The following HIVEP3 variants were observed in gnomAD, a reference collection of about 807,000 sequenced individuals.
HIVEP3 encodes HIVEP zinc finger 3.
In HIVEP3, 49 loss-of-function variants were observed where a neutral mutation model predicts 152.8. That is an observed-to-expected ratio of 0.32 (90% CI 0.26 to 0.41). HIVEP3 has a LOEUF of 0.41. Among genes scored for constraint, HIVEP3 ranks in the 10% least tolerant of loss-of-function variants. HIVEP3 has a pLI of 1.00. For synonymous variants in HIVEP3, 1,269 were observed against 1,289.0 expected, an observed-to-expected ratio of 0.98 and a Z score of 0.33; for missense variants, 2,790 against 3,103.3, an observed-to-expected ratio of 0.90 and a Z score of 2.40.
chr1:42,020,403 T>C (rs1374375290), intron 1 of HIVEP3, among the ~76,000 whole-genome samples: 1 of 152,148 alleles, frequency 6.6e-6, no homozygotes, highest in East Asian at 1.9e-4. Flanking sequence ...TATAGCTCTA[T>C]TCAGGTTTTC....
intron 1 of HIVEP3, among the ~76,000 whole-genome samples, chr1:41,885,812 T>G (rs1375737933): frequency 1.5e-5 from 2 of 136,630 alleles, no homozygotes; most frequent in Non-Finnish European, 3.1e-5. Context: ...TCTTCCCTCC[T>G]TCCTTCCTAT....
In HIVEP3 at chr1:41,972,378, T is replaced by C. The variant is rs750110526; in HGVS notation, n.120-53854A>G. Among the ~76,000 whole-genome samples the C allele has an allele frequency of 9.9e-5, 15 of 152,200 alleles. No individual in the cohort carries two copies. The East Asian group carries it at 1.7e-3, about 18-fold the overall frequency. On this transcript the variant is annotated intron_variant and non_coding_transcript_variant, in intron 1 of 3. Coordinates refer to the HIVEP3 transcript ENST00000489103. ...AACCATTAGGAGCCAACTGGGCCTA[T>C]AGTGATACAGCACATATTTATTGAT...
chr1:41,623,849 C>T (rs962881170), intron 3 of HIVEP3, among the ~76,000 whole-genome samples: 5 of 152,220 alleles, frequency 3.3e-5, no homozygotes, highest in African/African-American at 1.2e-4. Flanking sequence ...TTCCTCCCCA[C>T]TGCCTCACAC....
At chr1:41,861,947 G>A (rs1235811177) in intron 1 of HIVEP3, among the ~76,000 whole-genome samples, 1 of 152,184 alleles carries the variant, frequency 6.6e-6, no homozygotes, top group African/African-American at 2.4e-5. Context: ...AGATCTGGAA[G>A]ATACCACAAA....
chr1:41,916,233 A>G (rs941865174), intron 1 of HIVEP3, among the ~76,000 whole-genome samples: 3 of 152,212 alleles, frequency 2.0e-5, no homozygotes, highest in African/African-American at 7.2e-5. Flanking sequence ...GGCTGCCACT[A>G]AACACAATGG....
At chr1:41,852,002 G>C (rs1643618393) in intron 1 of HIVEP3, among the ~76,000 whole-genome samples, 1 of 152,206 alleles carries the variant, frequency 6.6e-6, no homozygotes, top group African/African-American at 2.4e-5. Flanking sequence ...GGGTGTTTGT[G>C]AGGATCAAGG....
intron 1 of HIVEP3, among the ~76,000 whole-genome samples, chr1:41,743,009 G>A (rs1281930709): frequency 6.6e-6 from 1 of 152,040 alleles, no homozygotes; most frequent in Non-Finnish European, 1.5e-5. Flanking sequence ...CTGTTGTGAG[G>A]ATTAAATGAG....
chr1:41,608,245 G>A (rs1181828948), intron 3 of HIVEP3, among the ~76,000 whole-genome samples: 1 of 152,150 alleles, frequency 6.6e-6, no homozygotes. Context: ...AGTAATAACC[G>A]TGGACAGGAA....
chr1:41,945,802 G>T (rs1369484026), intron 1 of HIVEP3, among the ~76,000 whole-genome samples: 1 of 152,312 alleles, frequency 6.6e-6, no homozygotes, highest in South Asian at 2.1e-4. Flanking sequence ...CCTTTCTGGA[G>T]AGACTAAGGG....
chr1:42,006,739 G>A (rs1380974897), intron 1 of HIVEP3, among the ~76,000 whole-genome samples: 2 of 152,152 alleles, frequency 1.3e-5, no homozygotes, highest in African/African-American at 4.8e-5. Flanking sequence ...GTACACCCGT[G>A]AGAATGAAAA....
chr1:41,633,205 C>T (rs115983707), intron 2 of HIVEP3, among the ~76,000 whole-genome samples: 4 of 152,130 alleles, frequency 2.6e-5, no homozygotes, highest in East Asian at 1.9e-4. Flanking sequence ...TTCTCCCCCC[C>T]GCAACACCCC....
At chr1:41,899,881 G>T (rs1487407493) in intron 1 of HIVEP3, among the ~76,000 whole-genome samples, 1 of 152,136 alleles carries the variant, frequency 6.6e-6, no homozygotes, top group Non-Finnish European at 1.5e-5. Flanking sequence ...TTCAAGCCCA[G>T]CCTGATCTTT....
chr1:41,816,143 A>C (rs1251363591), intron 1 of HIVEP3, among the ~76,000 whole-genome samples: 2 of 152,042 alleles, frequency 1.3e-5, no homozygotes, highest in East Asian at 1.9e-4. Context: ...AGTCTTGTCC[A>C]CTCCAGCCTC....
chr1:41,625,576 C>G (rs978225757), intron 3 of HIVEP3, among the ~76,000 whole-genome samples: 3 of 152,130 alleles, frequency 2.0e-5, no homozygotes, highest in African/African-American at 7.2e-5. Context: ...AAATAAATGT[C>G]AAAAACTAGA....
At chr1:41,545,614 C>T (rs1392659047) in intron 5 of HIVEP3, among the ~76,000 whole-genome samples, 6 of 134,606 alleles carry the variant, frequency 4.5e-5, no homozygotes, top group African/African-American at 1.5e-4. Context: ...ACCATCACCA[C>T]CACTACCATC....
chr1:41,895,431 G>A (rs783628), intron 1 of HIVEP3, among the ~76,000 whole-genome samples: 106,283 of 151,972 alleles, frequency 0.7, 38,057 homozygotes, highest in African/African-American at 0.86. Context: ...TCATATCAGG[G>A]CTTCAAATGA....
At chr1:42,020,843 A>C (rs1041325323) in intron 1 of HIVEP3, among the ~76,000 whole-genome samples, 1 of 152,196 alleles carries the variant, frequency 6.6e-6, no homozygotes, top group Non-Finnish European at 1.5e-5. Flanking sequence ...GGCCACTTTG[A>C]GGAGAACCTG....
At chr1:41,599,183 G>A (rs1004494441) in intron 3 of HIVEP3, among the ~76,000 whole-genome samples, 15 of 152,070 alleles carry the variant, frequency 9.9e-5, no homozygotes, top group African/African-American at 2.4e-4. Context: ...AATAAATGGC[G>A]CTAAAGCTAT....
At position 41,945,212 on chromosome 1, in the gene HIVEP3, G is replaced by A. The variant is rs187126135; in HGVS notation, n.120-26688C>T. Among the ~76,000 whole-genome samples the A allele has an allele frequency of 1.7e-4, 26 of 152,088 alleles. No homozygotes were observed. The East Asian group carries it at 4.6e-3, about 27-fold the overall frequency. ...CCTGACTCCTTCCCCAACTAATAAG[G>A]ACCCCGCCTTCAACCCAAACGGTAC... is the stretch of plus-strand genomic sequence containing the variant. On this transcript the variant is annotated intron_variant and non_coding_transcript_variant, in intron 1 of 3. Coordinates refer to the HIVEP3 transcript ENST00000489103.
Sources: allele counts gnomAD v4.1 joint callset (sites outside exome capture counted in the v4.1 genomes callset), GRCh38; gene constraint gnomAD v4.1.1; transcripts MANE v1.5; gene names NCBI Gene and HGNC (gene_info 2026-07-23, HGNC 2026-07-21).